Variants in COL26A1 observed in about 807,000 individuals in gnomAD.
The protein encoded by COL26A1 is collagen type XXVI alpha 1 chain.
A neutral mutation model predicts 59.3 loss-of-function variants in COL26A1; 41 were observed. That is an observed-to-expected ratio of 0.69 (90% CI 0.54 to 0.90). The LOEUF (loss-of-function observed/expected upper bound fraction) is 0.90, where lower values mean the gene tolerates loss of function less well. COL26A1 is among the 40% of genes least tolerant of loss of function. The pLI, the probability that COL26A1 is intolerant of heterozygous loss-of-function variation, is 0.00. For synonymous variants in COL26A1, 266 were observed against 256.0 expected (o/e 1.04, Z -0.37); for missense variants, 612 against 602.3 (o/e 1.02, Z -0.17).
intron 2 of COL26A1, among the ~76,000 whole-genome samples, chr7:101,431,966 A>ATTTTTTTTTTTTTTTTTTTTTTTTTAT (rs35468529): frequency 7.5e-6 from 1 of 133,604 alleles, no homozygotes. Context: ...TAATTTTATA[A>ATTTTTTTTTTTTTTTTTTTTTTTTTAT]TTTTTTTTTT....
At chr7:101,536,533 G>T (rs575339829) in intron 4 of COL26A1, among the ~76,000 whole-genome samples, 1 of 152,356 alleles carries the variant, frequency 6.6e-6, no homozygotes, top group African/African-American at 2.4e-5. Context: ...TCCTAGCAGG[G>T]TGAAGGCAGA....
At chr7:101,364,735 A>G (rs1375406902) in intron 1 of COL26A1, among the ~76,000 whole-genome samples, 1 of 151,866 alleles carries the variant, frequency 6.6e-6, no homozygotes, top group Non-Finnish European at 1.5e-5. Flanking sequence ...ATGACTGGCT[A>G]ATTTTTTGAT....
At chr7:101,503,072 C>T (rs191005348) in intron 3 of COL26A1, among the ~76,000 whole-genome samples, 1 of 152,284 alleles carries the variant, frequency 6.6e-6, no homozygotes, top group African/African-American at 2.4e-5. Context: ...AGAATAGAGC[C>T]TGGGCCTCAT....
At chr7:101,533,243 C>T (rs943669583) in intron 4 of COL26A1, 100 bp downstream of exon 4, 41 of 888,194 alleles carry the variant, frequency 4.6e-5, no homozygotes, top group Non-Finnish European at 6.9e-5. Flanking sequence ...GTGGAATTCC[C>T]AGCCCCGGGT....
At chr7:101,540,494 C>T (rs534759621) in intron 5 of COL26A1, among the ~76,000 whole-genome samples, 7 of 149,888 alleles carry the variant, frequency 4.7e-5, no homozygotes, top group Non-Finnish European at 1.0e-4. Flanking sequence ...GCCGAGATCA[C>T]GCCACTGCAC....
At chr7:101,526,625 G>C (rs960420803) in intron 3 of COL26A1, among the ~76,000 whole-genome samples, 1 of 152,258 alleles carries the variant, frequency 6.6e-6, no homozygotes, top group African/African-American at 2.4e-5. Context: ...TGGGAATCCA[G>C]CCTCATTTGG....
chr7:101,520,668 G>A (rs190362336), intron 3 of COL26A1, among the ~76,000 whole-genome samples: 470 of 88,190 alleles, frequency 5.3e-3, no homozygotes, highest in African/African-American at 0.032. Context: ...ACACACCCCC[G>A]TGTTCTTGCA....
chr7:101,476,310 A>T (rs1233514722), intron 3 of COL26A1, among the ~76,000 whole-genome samples: 1 of 151,964 alleles, frequency 6.6e-6, no homozygotes, highest in East Asian at 1.9e-4. Flanking sequence ...TTCTGTGGTG[A>T]TTACATATAT....
intron 10 of COL26A1, 74 bp downstream of exon 10, chr7:101,551,217 T>C: frequency 2.4e-5 from 3 of 127,132 alleles, no homozygotes; most frequent in Non-Finnish European, 4.0e-5. Flanking sequence ...GGGCACTGGG[T>C]GGCGGGGGTT....
chr7:101,407,011 T>G (rs1034942657), intron 1 of COL26A1, among the ~76,000 whole-genome samples: 1 of 152,066 alleles, frequency 6.6e-6, no homozygotes, highest in Admixed American at 6.6e-5. Context: ...TCTTTTCCAA[T>G]AGGGTGAGTC....
chr7:101,468,144 A>C (rs1156483574), intron 3 of COL26A1, among the ~76,000 whole-genome samples: 1 of 151,920 alleles, frequency 6.6e-6, no homozygotes, highest in East Asian at 1.9e-4. Flanking sequence ...CTCTACTAAA[A>C]ATACAAAAAT....
At chr7:101,455,025 A>G (rs1444243580) in intron 3 of COL26A1, among the ~76,000 whole-genome samples, 1 of 149,984 alleles carries the variant, frequency 6.7e-6, no homozygotes, top group Admixed American at 6.8e-5. Flanking sequence ...TATCTAAAAC[A>G]AAATTTTTTC....
intron 1 of COL26A1, among the ~76,000 whole-genome samples, chr7:101,413,945 T>G (rs1026670075): frequency 2.0e-5 from 3 of 152,114 alleles, no homozygotes; most frequent in Admixed American, 6.6e-5. Flanking sequence ...CCCGCCATAG[T>G]CAGGAGCTGA....
chr7:101,391,883 CTTTTCTTTT>C (rs1479769425), intron 1 of COL26A1, among the ~76,000 whole-genome samples: 3 of 105,212 alleles, frequency 2.9e-5, no homozygotes, highest in African/African-American at 1.2e-4. Context: ...CTTTTCTTTT[CTTTTCTTTT>C]TTTTCTGTAG....
rs564307120 is a variant in COL26A1, at chr7:101,423,963, G to A, written c.281+3864G>A. Among the ~76,000 whole-genome samples the A allele has an allele frequency of 2.0e-5, 3 of 152,104 alleles. No individual in the cohort carries two copies. The East Asian group carries it at 5.9e-4, about 30-fold the overall frequency. On this transcript the variant is annotated intron_variant, in intron 2 of 12. Coordinates refer to ENST00000313669, the MANE Select transcript of COL26A1 (RefSeq NM_001278563.3). ...TCACACCTGTAGTCCCAGTTACATA[G>A]GAGGCTGAGGCAGGAGGATTGCTTG... is the stretch of plus-strand genomic sequence containing the variant.
At chr7:101,427,047 C>G (rs1356498211) in intron 2 of COL26A1, among the ~76,000 whole-genome samples, 1 of 152,106 alleles carries the variant, frequency 6.6e-6, no homozygotes, top group Non-Finnish European at 1.5e-5. Flanking sequence ...TCTGTTCCCC[C>G]TCATCATTTA....
intron 3 of COL26A1, among the ~76,000 whole-genome samples, chr7:101,525,004 C>CA (rs1795211685): frequency 6.6e-6 from 1 of 151,978 alleles, no homozygotes; most frequent in Non-Finnish European, 1.5e-5. Flanking sequence ...AGTCATGGTC[C>CA]AGGCACTTGC....
At chr7:101,550,488 A>T (rs1795837140) in intron 9 of COL26A1, among the ~76,000 whole-genome samples, 1 of 151,662 alleles carries the variant, frequency 6.6e-6, no homozygotes, top group African/African-American at 2.4e-5. Context: ...AATTAATTAA[A>T]TATGTAAAAA....
intron 1 of COL26A1, among the ~76,000 whole-genome samples, chr7:101,404,745 T>G (rs1474462796): frequency 2.0e-5 from 3 of 152,004 alleles, no homozygotes; most frequent in Admixed American, 2.0e-4. Context: ...AAAAACAAAG[T>G]GCGAAAATTA....
Sources: gnomAD v4.1 joint callset for allele counts (sites outside exome capture counted in the v4.1 genomes callset) on GRCh38, gnomAD v4.1.1 for gene constraint, MANE v1.5 for transcripts, NCBI Gene and HGNC (gene_info 2026-07-23, HGNC 2026-07-21) for gene names.